Variants in ST6GALNAC3 observed in about 807,000 individuals in gnomAD.
ST6GALNAC3 encodes the protein ST6 N-acetylgalactosaminide alpha-2,6-sialyltransferase 3.
ST6GALNAC3 carries 25 observed loss-of-function variants against 32.7 expected under a neutral mutation model. That is an observed-to-expected ratio of 0.76 (90% CI 0.56 to 1.07). The LOEUF is 1.07. ST6GALNAC3 is among the 50% of genes least tolerant of loss of function. The probability of loss-of-function intolerance (pLI) is 0.00; values close to 1 mark genes in which losing one functional copy is unlikely to be tolerated. For synonymous variants in ST6GALNAC3, 129 were observed against 133.1 expected, an observed-to-expected ratio of 0.97 and a Z score of 0.21; for missense variants, 355 against 382.4, an observed-to-expected ratio of 0.93 and a Z score of 0.60.
intron 2 of ST6GALNAC3, among the ~76,000 whole-genome samples, chr1:76,391,700 C>G (rs543798501): frequency 1.3e-5 from 2 of 152,092 alleles, no homozygotes; most frequent in South Asian, 4.2e-4. Context: ...CCTACTTACC[C>G]TAGATTTTTA....
At chr1:76,402,161 T>C (rs578196953) in intron 2 of ST6GALNAC3, among the ~76,000 whole-genome samples, 1 of 152,346 alleles carries the variant, frequency 6.6e-6, no homozygotes, top group East Asian at 1.9e-4. Context: ...ATATCTTCTG[T>C]ACTTTGGGTT....
intron 3 of ST6GALNAC3, among the ~76,000 whole-genome samples, chr1:76,505,391 G>A (rs1661421791): frequency 6.6e-6 from 1 of 152,090 alleles, no homozygotes; most frequent in African/African-American, 2.4e-5. Flanking sequence ...CAAAGTGCTG[G>A]GATTACAGGC....
intron 1 of ST6GALNAC3, among the ~76,000 whole-genome samples, chr1:76,149,945 C>T (rs1650934666): frequency 6.6e-6 from 1 of 152,136 alleles, no homozygotes; most frequent in African/African-American, 2.4e-5. Context: ...TAGAGGGAAC[C>T]TCCCTAGAGC....
intron 3 of ST6GALNAC3, among the ~76,000 whole-genome samples, chr1:76,521,866 C>G (rs556975553): frequency 6.6e-6 from 1 of 151,948 alleles, no homozygotes; most frequent in Non-Finnish European, 1.5e-5. Context: ...CTCAGGAGTT[C>G]GAGACCAGCC....
intron 1 of ST6GALNAC3, among the ~76,000 whole-genome samples, chr1:76,296,533 T>C (rs1660415552): frequency 6.6e-6 from 1 of 152,134 alleles, no homozygotes; most frequent in Non-Finnish European, 1.5e-5. Context: ...GCCTTTCATA[T>C]GTAGAAAATT....
At chr1:76,459,479 G>T (rs1047108419) in intron 3 of ST6GALNAC3, among the ~76,000 whole-genome samples, 2 of 151,916 alleles carry the variant, frequency 1.3e-5, no homozygotes, top group African/African-American at 4.8e-5. Context: ...TAGGAGAATG[G>T]CATGAATCCA....
chr1:76,518,742 A>G (rs986874721), intron 3 of ST6GALNAC3, among the ~76,000 whole-genome samples: 1 of 152,156 alleles, frequency 6.6e-6, no homozygotes, highest in Non-Finnish European at 1.5e-5. Flanking sequence ...CCATTTTCTT[A>G]GGAATTATTT....
intron 3 of ST6GALNAC3, among the ~76,000 whole-genome samples, chr1:76,588,902 A>G (rs557193513): frequency 8.5e-5 from 13 of 152,268 alleles, no homozygotes; most frequent in African/African-American, 2.9e-4. Flanking sequence ...CTGTTCTTAT[A>G]TATCTTTGAA....
intron 1 of ST6GALNAC3, among the ~76,000 whole-genome samples, chr1:76,301,495 A>C (rs1164364287): frequency 1.3e-5 from 2 of 152,052 alleles, no homozygotes; most frequent in African/African-American, 4.8e-5. Context: ...TAATAAATGC[A>C]TATGCTTTAT....
chr1:76,346,447 TC>T (rs758025874), intron 2 of ST6GALNAC3, among the ~76,000 whole-genome samples: 9 of 152,182 alleles, frequency 5.9e-5, no homozygotes, highest in Non-Finnish European at 1.3e-4. Flanking sequence ...CTTTCTGTGC[TC>T]AGTCAAGATC....
chr1:76,483,122 C>T (rs1457889662), intron 3 of ST6GALNAC3, among the ~76,000 whole-genome samples: 1 of 152,148 alleles, frequency 6.6e-6, no homozygotes, highest in Admixed American at 6.5e-5. Flanking sequence ...TCCAGTCTAT[C>T]ACTGATGGAC....
intron 3 of ST6GALNAC3, among the ~76,000 whole-genome samples, chr1:76,590,243 C>T (rs1215072885): frequency 6.6e-6 from 1 of 152,098 alleles, no homozygotes; most frequent in African/African-American, 2.4e-5. Flanking sequence ...ATTTCATCTG[C>T]CATTACTTTT....
chr1:76,451,271 C>A (rs1197886650), intron 3 of ST6GALNAC3, among the ~76,000 whole-genome samples: 1 of 152,182 alleles, frequency 6.6e-6, no homozygotes, highest in African/African-American at 2.4e-5. Flanking sequence ...TTTCACATGG[C>A]TGGCAAGGCC....
At chr1:76,078,805 G>A (rs1026738467) in intron 1 of ST6GALNAC3, among the ~76,000 whole-genome samples, 2 of 151,804 alleles carry the variant, frequency 1.3e-5, no homozygotes, top group African/African-American at 4.8e-5. Context: ...TTTTGAGACA[G>A]AGTCTCACTC....
chr1:76,247,025 CTGTT>C (rs1463372179), intron 1 of ST6GALNAC3, among the ~76,000 whole-genome samples: 1 of 152,150 alleles, frequency 6.6e-6, no homozygotes, highest in South Asian at 2.1e-4. Flanking sequence ...TTGTTGCTTT[CTGTT>C]TGTTAGTTTT....
intron 2 of ST6GALNAC3, among the ~76,000 whole-genome samples, chr1:76,335,236 G>T (rs1008894436): frequency 6.6e-6 from 1 of 152,036 alleles, no homozygotes; most frequent in Non-Finnish European, 1.5e-5. Flanking sequence ...ATACCTGGCG[G>T]GTTATTGTCA....
chr1:76,491,602 A>G (rs1438979323), intron 3 of ST6GALNAC3, among the ~76,000 whole-genome samples: 1 of 152,148 alleles, frequency 6.6e-6, no homozygotes, highest in African/African-American at 2.4e-5. Flanking sequence ...TAAGGGAAAC[A>G]TAAAACCTCT....
At chr1:76,235,020 T>A (rs1425202108) in intron 1 of ST6GALNAC3, among the ~76,000 whole-genome samples, 1 of 152,072 alleles carries the variant, frequency 6.6e-6, no homozygotes, top group Non-Finnish European at 1.5e-5. Context: ...TCGCTGGTGG[T>A]TAAACTCAAA....
intron 2 of ST6GALNAC3, among the ~76,000 whole-genome samples, chr1:76,364,720 A>C (rs549487740): frequency 6.6e-6 from 1 of 152,174 alleles, no homozygotes; most frequent in African/African-American, 2.4e-5. Flanking sequence ...GCCAAGAAAC[A>C]TATGAAAAAA....
Sources: gnomAD v4.1 joint callset for allele counts (sites outside exome capture counted in the v4.1 genomes callset) on GRCh38, gnomAD v4.1.1 for gene constraint, MANE v1.5 for transcripts, NCBI Gene and HGNC (gene_info 2026-07-23, HGNC 2026-07-21) for gene names.